The following SCAI variants were observed in gnomAD, a reference collection of about 807,000 sequenced individuals.
SCAI encodes the protein suppressor of cancer cell invasion.
SCAI carries 24 observed loss-of-function variants against 92.2 expected under a neutral mutation model. The ratio of observed to expected loss-of-function variants is 0.26; its 90% CI spans 0.19 to 0.37. The LOEUF is 0.37. SCAI is among the 10% of genes least tolerant of loss of function. The pLI is 1.00. For synonymous variants in SCAI, 261 were observed against 258.6 expected (o/e 1.01, Z -0.09); for missense variants, 450 against 736.2 (o/e 0.61, Z 4.50).
chr9:124,946,290 T>G lies in SCAI; in HGVS notation c.*6517A>C, dbSNP rs1424867422. The G allele has an allele frequency of 6.6e-6, 1 of 152,232 alleles. No individual in the cohort carries two copies. The highest frequency in any genetic ancestry group is 2.4e-5 in the African/African-American group (1 of 41,456). The allele number at this position is 152,232 out of a possible 1,614,324, so 9.4% of individuals were successfully genotyped here. A position where few individuals can be genotyped will look rare whatever the true frequency, so the allele number is the denominator to read the frequency against. Reference sequence around the variant, plus strand: ...TAATATTTATTCAAGAAAAATGCTGTTATAATTATTTCTGAATTTAATACT... The same window carrying G: ...TAATATTTATTCAAGAAAAATGCTGGTATAATTATTTCTGAATTTAATACT... On this transcript the variant is annotated 3_prime_UTR_variant, in exon 18 of 18. Transcript: ENST00000336505. This position sits in a 1 kb window ranked among gnomAD's most constrained non-coding sequence, Gnocchi z 4.0.
chr9:124,996,796 ATTTTTTGTAT>A (rs1453272895), intron 13 of SCAI, among the ~76,000 whole-genome samples: 1 of 151,386 alleles, frequency 6.6e-6, no homozygotes, highest in Non-Finnish European at 1.5e-5. Flanking sequence ...CACCCGGCTA[ATTTTTTGTAT>A]TTTTAGTAGA....
intron 2 of SCAI, among the ~76,000 whole-genome samples, chr9:125,097,137 A>G (rs1834574539): frequency 6.6e-6 from 1 of 152,244 alleles, no homozygotes; most frequent in Admixed American, 6.5e-5. Context: ...AAATTTGTTA[A>G]AAGTTAAAAA....
intron 14 of SCAI, among the ~76,000 whole-genome samples, chr9:124,990,740 A>C (rs1832102037): frequency 6.6e-6 from 1 of 152,214 alleles, no homozygotes; most frequent in Non-Finnish European, 1.5e-5. Flanking sequence ...GTGGTTAAAA[A>C]ACAAAATAGC....
chr9:125,025,760 A>G (rs1832954176), intron 6 of SCAI, among the ~76,000 whole-genome samples: 1 of 152,246 alleles, frequency 6.6e-6, no homozygotes, highest in African/African-American at 2.4e-5. Context: ...AGTCTGAACA[A>G]GACATGCAAG....
intron 9 of SCAI, among the ~76,000 whole-genome samples, chr9:125,004,206 C>T (rs1832424640): frequency 6.6e-6 from 1 of 151,898 alleles, no homozygotes; most frequent in South Asian, 2.1e-4. Context: ...AGCACAGAGA[C>T]TATATTAGGT....
chr9:125,028,653 T>A (rs1470054944), intron 4 of SCAI, among the ~76,000 whole-genome samples, 175 bp from the exon 5 acceptor site: 1 of 152,242 alleles, frequency 6.6e-6, no homozygotes, highest in East Asian at 1.9e-4. Flanking sequence ...AAATGTCTAT[T>A]TATAAGTTGA....
At chr9:125,066,069 TAAAGAAAA>T in intron 2 of SCAI, 1 of 731,760 alleles carries the variant, frequency 1.4e-6, no homozygotes, top group East Asian at 2.5e-5. Context: ...CTGTATTGAA[TAAAGAAAA>T]AAAGAAAACA....
At chr9:125,058,118 T>C (rs1833707780) in intron 2 of SCAI, among the ~76,000 whole-genome samples, 1 of 151,982 alleles carries the variant, frequency 6.6e-6, no homozygotes, top group African/African-American at 2.4e-5. Context: ...AAAAAATTCT[T>C]TTTTAAAAAA....
intron 7 of SCAI, among the ~76,000 whole-genome samples, 183 bp downstream of exon 7, chr9:125,020,490 T>TATCTCAG (rs1174530335): frequency 6.6e-6 from 1 of 152,242 alleles, no homozygotes; most frequent in Non-Finnish European, 1.5e-5. Context: ...CAGATTAGTG[T>TATCTCAG]ATTTGTAACA....
At chr9:125,043,106 G>A (rs187827475) in intron 3 of SCAI, among the ~76,000 whole-genome samples, 6 of 152,024 alleles carry the variant, frequency 3.9e-5, no homozygotes, top group African/African-American at 9.6e-5. Context: ...GACGTCAAGT[G>A]ATCCACCTGC....
intron 2 of SCAI, among the ~76,000 whole-genome samples, chr9:125,096,536 G>T (rs1468347234): frequency 6.6e-6 from 1 of 152,166 alleles, no homozygotes; most frequent in East Asian, 1.9e-4. Context: ...GAACTCCCTT[G>T]CAAGACTAGC....
intron 3 of SCAI, among the ~76,000 whole-genome samples, chr9:125,042,182 A>G (rs957060737): frequency 1.3e-5 from 2 of 152,198 alleles, no homozygotes; most frequent in Admixed American, 6.5e-5. Flanking sequence ...TTAGCTAATC[A>G]TATTCTTTTT....
At chr9:125,046,332 CAT>C (rs1833441164) in intron 3 of SCAI, among the ~76,000 whole-genome samples, 1 of 13,308 alleles carries the variant, frequency 7.5e-5, no homozygotes, top group Non-Finnish European at 1.5e-4. Context: ...CACACACACA[CAT>C]ATATATATGT....
chr9:125,002,576 G>A (rs1019203854), intron 11 of SCAI, among the ~76,000 whole-genome samples: 4 of 145,452 alleles, frequency 2.8e-5, no homozygotes, highest in African/African-American at 5.1e-5. Context: ...TCCGCCTCCC[G>A]GGTTCAAGTA....
chr9:124,952,903 T>C lies in SCAI; in HGVS notation c.1725A>G (p.Thr575=). 1 of 1,613,236 alleles carries C rather than the reference T, an allele frequency of 6.2e-7. No homozygotes were observed. Among genetic ancestry groups the C allele is most frequent in the Non-Finnish European group, 8.5e-7 (1 of 1,179,212 alleles). ...GCTTCTGGAGATGAGGATTCTCCAC[T>C]GTTTCATCCCTTGGCAGTTGTGGAT... ...ESYPQLPRDE[T]VENPHLQKHI... is the part of the protein sequence containing the mutation. The change falls in exon 18 of 18, where the codon ACA becomes ACG. Residue 575 remains threonine (T), a synonymous_variant. Transcript: ENST00000336505.
At chr9:124,996,285 C>T (rs962301998) in intron 13 of SCAI, among the ~76,000 whole-genome samples, 9 of 151,906 alleles carry the variant, frequency 5.9e-5, no homozygotes, top group African/African-American at 9.7e-5. Context: ...CAGAAAATTT[C>T]GAGTAAACAA....
intron 14 of SCAI, among the ~76,000 whole-genome samples, chr9:124,976,423 C>T (rs1831755276): frequency 6.6e-6 from 1 of 152,156 alleles, no homozygotes; most frequent in Admixed American, 6.6e-5. Context: ...ATTTTTTAAA[C>T]ACAAGGCATA....
intron 2 of SCAI, among the ~76,000 whole-genome samples, chr9:125,123,534 C>T (rs568693129): frequency 6.6e-6 from 1 of 152,178 alleles, no homozygotes; most frequent in Admixed American, 6.5e-5. Flanking sequence ...CCCAGCACTT[C>T]GGGAGGCCGA....
At chr9:125,092,350 G>A (rs1217941387) in intron 2 of SCAI, among the ~76,000 whole-genome samples, 1 of 151,812 alleles carries the variant, frequency 6.6e-6, no homozygotes. Context: ...TTACTTGGGA[G>A]GCTGAGACAG....
Sources: allele counts gnomAD v4.1 joint callset (sites outside exome capture counted in the v4.1 genomes callset), GRCh38; gene constraint gnomAD v4.1.1; non-coding constraint Gnocchi (gnomAD v3.1); transcripts MANE v1.5; gene names NCBI Gene and HGNC (gene_info 2026-07-23, HGNC 2026-07-21).